TMEM132D: variants seen among roughly 807,000 people sequenced by gnomAD.
The protein encoded by TMEM132D is mature OL transmembrane protein.
In TMEM132D, 21 loss-of-function variants were observed where a neutral mutation model predicts 62.3. The ratio of observed to expected loss-of-function variants is 0.34; its 90% CI spans 0.24 to 0.49. The LOEUF (loss-of-function observed/expected upper bound fraction) is 0.49, where lower values mean the gene tolerates loss of function less well. TMEM132D is among the 20% of genes least tolerant of loss of function. The pLI is 0.99. For synonymous variants in TMEM132D, 621 were observed against 575.6 expected (o/e 1.08, Z -1.13); for missense variants, 1,346 against 1,402.8 (o/e 0.96, Z 0.65).
intron 5 of TMEM132D, among the ~76,000 whole-genome samples, chr12:129,173,660 C>T (rs1323186322): frequency 2.0e-5 from 3 of 152,222 alleles, no homozygotes; most frequent in African/African-American, 7.2e-5. Flanking sequence ...AATTTCCTCT[C>T]AGATTCTTTT....
chr12:129,246,235 T>C (rs1880104558), intron 4 of TMEM132D, among the ~76,000 whole-genome samples: 2 of 152,124 alleles, frequency 1.3e-5, no homozygotes, highest in East Asian at 3.9e-4. Context: ...GCTGTGAGTA[T>C]ATAGAAGATA....
chr12:129,814,217 A>C (rs1023478847), intron 1 of TMEM132D, among the ~76,000 whole-genome samples: 1 of 152,194 alleles, frequency 6.6e-6, no homozygotes, highest in Non-Finnish European at 1.5e-5. Flanking sequence ...AGGGGTGAGA[A>C]ACTGAGGAGA....
At chr12:129,794,001 T>C (rs73160222) in intron 1 of TMEM132D, among the ~76,000 whole-genome samples, 15,754 of 152,168 alleles carry the variant, frequency 0.1, 1,077 homozygotes, top group East Asian at 0.22. Flanking sequence ...CACACACATA[T>C]TGGATTTTTT....
chr12:129,157,131 A>T (rs1877271162), intron 5 of TMEM132D, among the ~76,000 whole-genome samples: 1 of 152,100 alleles, frequency 6.6e-6, no homozygotes. Flanking sequence ...ATGATAGCTA[A>T]CCCACCCTTG....
intron 3 of TMEM132D, among the ~76,000 whole-genome samples, chr12:129,340,889 G>A (rs1367155763): frequency 6.6e-6 from 1 of 152,130 alleles, no homozygotes; most frequent in African/African-American, 2.4e-5. Flanking sequence ...TTGAGCTTGT[G>A]GGGAAAACGT....
At chr12:129,315,904 C>G (rs1247169766) in intron 4 of TMEM132D, among the ~76,000 whole-genome samples, 1 of 152,092 alleles carries the variant, frequency 6.6e-6, no homozygotes, top group African/African-American at 2.4e-5. Flanking sequence ...CCCATCTTTT[C>G]TAGGTTTTCT....
Position 129,209,846 on chromosome 12 carries a change from TC to T in TMEM132D, c.1300-184del, listed in dbSNP as rs1233065810. On this transcript the variant is annotated intron_variant, in intron 4 of 8. Transcript: ENST00000422113. Reference sequence around the variant, plus strand: ...GCAGCCATGAGATAATGTTCTGTCCTCACCCAGATTTCCACAGGGCAACTAT... The same window carrying T: ...GCAGCCATGAGATAATGTTCTGTCCTACCCAGATTTCCACAGGGCAACTAT... 6.6e-6 allele frequency: 5 copies of T among 753,200 alleles called. No individual in the cohort carries two copies. In the African/African-American group the frequency reaches 8.8e-5, roughly 13 times the overall value. The allele number at this position is 753,200 out of a possible 1,614,324, so 46.7% of individuals were successfully genotyped here. A position where few individuals can be genotyped will look rare whatever the true frequency, so the allele number is the denominator to read the frequency against.
intron 1 of TMEM132D, among the ~76,000 whole-genome samples, chr12:129,832,197 A>G (rs1872865335): frequency 6.6e-6 from 1 of 151,148 alleles, no homozygotes; most frequent in African/African-American, 2.4e-5. Flanking sequence ...GTTTTGTAGC[A>G]TTTTTAAAGG....
At chr12:129,171,928 T>C (rs1294577015) in intron 5 of TMEM132D, among the ~76,000 whole-genome samples, 1 of 152,194 alleles carries the variant, frequency 6.6e-6, no homozygotes, top group Non-Finnish European at 1.5e-5. Context: ...ATAAAGTTAC[T>C]AGGTGCATTA....
chr12:129,871,509 T>C (rs1874241689), intron 1 of TMEM132D, among the ~76,000 whole-genome samples: 1 of 152,138 alleles, frequency 6.6e-6, no homozygotes, highest in South Asian at 2.1e-4. Flanking sequence ...GTCTGAGTTG[T>C]GTTTTCTGTC....
At chr12:129,586,959 C>T (rs1389515523) in intron 2 of TMEM132D, among the ~76,000 whole-genome samples, 1 of 152,144 alleles carries the variant, frequency 6.6e-6, no homozygotes, top group Admixed American at 6.5e-5. Context: ...AGTCAAAATA[C>T]ATTAATCCCT....
At chr12:129,116,263 GC>G (rs1340819206) in intron 5 of TMEM132D, among the ~76,000 whole-genome samples, 1 of 152,156 alleles carries the variant, frequency 6.6e-6, no homozygotes, top group African/African-American at 2.4e-5. Context: ...TTATGGCATG[GC>G]ACATAGAGGG....
At chr12:129,781,531 T>G (rs542226771) in intron 1 of TMEM132D, among the ~76,000 whole-genome samples, 3 of 152,328 alleles carry the variant, frequency 2.0e-5, no homozygotes, top group Admixed American at 2.0e-4. Flanking sequence ...TTTACTGTTC[T>G]TTTTTCCCCC....
At chr12:129,351,330 T>C (rs1869855216) in intron 3 of TMEM132D, among the ~76,000 whole-genome samples, 1 of 152,178 alleles carries the variant, frequency 6.6e-6, no homozygotes, top group Non-Finnish European at 1.5e-5. Context: ...CCGATGGCTA[T>C]ATTTTCCCCA....
chr12:129,750,989 A>G (rs1452909953), intron 1 of TMEM132D, among the ~76,000 whole-genome samples: 1 of 152,224 alleles, frequency 6.6e-6, no homozygotes, highest in Non-Finnish European at 1.5e-5. Context: ...AAAGTATCAC[A>G]TTTAAAATCT....
chr12:129,600,385 C>G (rs979770746), intron 2 of TMEM132D, among the ~76,000 whole-genome samples: 6 of 152,216 alleles, frequency 3.9e-5, no homozygotes, highest in Admixed American at 3.3e-4. Context: ...TTGAGCCCCT[C>G]AAAGTCATCC....
rs1871050293 is a variant in TMEM132D at position 129,779,442 on chromosome 12, A to C, written c.80-78744T>G. Reference sequence around the variant, plus strand: ...TAGCAGGAACTGCAGGTGTCCACCCACCATGCCCAGCTAATATTTTGTAGA... The same window carrying C: ...TAGCAGGAACTGCAGGTGTCCACCCCCCATGCCCAGCTAATATTTTGTAGA... On this transcript the variant is annotated intron_variant, in intron 1 of 8. Coordinates refer to ENST00000422113, the MANE Select transcript of TMEM132D (RefSeq NM_133448.3). The surrounding 1 kb of genome is among the most constrained non-coding windows in gnomAD (Gnocchi z 4.1). 6.6e-6 allele frequency among the ~76,000 whole-genome samples: 1 copy of C among 152,024 alleles called. No individual in the cohort carries two copies. Among genetic ancestry groups the C allele is most frequent in the Non-Finnish European group, 1.5e-5 (1 of 67,996 alleles).
intron 3 of TMEM132D, among the ~76,000 whole-genome samples, chr12:129,523,214 T>C (rs1875908878): frequency 6.6e-6 from 1 of 152,232 alleles, no homozygotes; most frequent in Admixed American, 6.5e-5. Context: ...GAATGTCATG[T>C]GTCACTTTAG....
chr12:129,663,075 T>C (rs947976232), intron 2 of TMEM132D, among the ~76,000 whole-genome samples: 1 of 151,926 alleles, frequency 6.6e-6, no homozygotes, highest in Non-Finnish European at 1.5e-5. Flanking sequence ...ACCTAGTCAA[T>C]AGGACACCGT....
Sources: allele counts gnomAD v4.1 joint callset (sites outside exome capture counted in the v4.1 genomes callset), GRCh38; gene constraint gnomAD v4.1.1; non-coding constraint Gnocchi (gnomAD v3.1); transcripts MANE v1.5; gene names NCBI Gene and HGNC (gene_info 2026-07-23, HGNC 2026-07-21).